LAMA4: variants seen among roughly 807,000 people sequenced by gnomAD.
LAMA4 encodes laminin subunit alpha 4.
Under a neutral mutation model 207.1 loss-of-function variants are expected in LAMA4, and 127 were observed. That is an observed-to-expected ratio of 0.61 (90% CI 0.53 to 0.71). LAMA4 has a LOEUF of 0.71. Ranked by LOEUF, LAMA4 falls within the 30% of genes least tolerant of loss-of-function variation. LAMA4 has a pLI of 0.00. For synonymous variants in LAMA4, 761 were observed against 816.0 expected (o/e 0.93, Z 1.15); for missense variants, 2,093 against 2,246.5 (o/e 0.93, Z 1.38).
chr6:112,146,037 C>T (rs1219938262), intron 18 of LAMA4, among the ~76,000 whole-genome samples: 1 of 152,114 alleles, frequency 6.6e-6, no homozygotes, highest in Admixed American at 6.5e-5. Context: ...CACCTGTAAT[C>T]CCAGAACTTT....
At chr6:112,130,130 A>G (rs1778942343) in intron 29 of LAMA4, 90 bp from the exon 30 acceptor site, 1 of 1,054,414 alleles carries the variant, frequency 9.5e-7, no homozygotes, top group African/African-American at 1.6e-5. Context: ...TTCTCATGAA[A>G]TTGAAATGGA....
At chr6:112,209,840 C>T (rs1554355780) in intron 3 of LAMA4, among the ~76,000 whole-genome samples, 1 of 152,200 alleles carries the variant, frequency 6.6e-6, no homozygotes, top group African/African-American at 2.4e-5. Context: ...TCTGGGTTCC[C>T]ATCCAAATCT....
At chr6:112,193,344 AAAGG>A (rs1419225748) in intron 5 of LAMA4, among the ~76,000 whole-genome samples, 2 of 151,984 alleles carry the variant, frequency 1.3e-5, no homozygotes, top group African/African-American at 4.8e-5. Context: ...TTGGGAGTGG[AAAGG>A]AAGGGAGAGC....
chr6:112,208,414 C>G lies in LAMA4; in HGVS notation c.298-1269G>C, dbSNP rs183605680. Among the ~76,000 whole-genome samples the G allele has an allele frequency of 5.9e-5, 9 of 152,284 alleles. No homozygotes were observed. In the East Asian group the frequency reaches 1.7e-3, roughly 29 times the overall value. ...TTTGTATGGATTAACTGACTTAATTCTCACAACAATCCTGAAGTAGGTTCC... is the reference window on the plus strand; with the variant it reads ...TTTGTATGGATTAACTGACTTAATTGTCACAACAATCCTGAAGTAGGTTCC... On this transcript the variant is annotated intron_variant, in intron 3 of 38. Coordinates refer to ENST00000230538, the MANE Select transcript of LAMA4 (RefSeq NM_001105206.3).
In LAMA4 at chr6:112,216,659, T is replaced by C. The variant is rs1473085301; in HGVS notation, c.196-190A>G. On this transcript the variant is annotated intron_variant, in intron 2 of 38. Transcript: ENST00000230538. ...ACCATTCAGTGATAGATGATGTATA[T>C]ATAATCTTCTTTGTTACATAACTTT... 13 of 596,520 alleles carry C rather than the reference T, an allele frequency of 2.2e-5. No homozygotes were observed. In the East Asian group the frequency reaches 3.5e-4, roughly 16 times the overall value. The allele number at this position is 596,520 out of a possible 1,614,324, so 37.0% of individuals were successfully genotyped here. A position where few individuals can be genotyped will look rare whatever the true frequency, so the allele number is the denominator to read the frequency against.
At chr6:112,161,379 G>A (rs1035108892) in intron 13 of LAMA4, among the ~76,000 whole-genome samples, 3 of 152,246 alleles carry the variant, frequency 2.0e-5, no homozygotes, top group Non-Finnish European at 2.9e-5. Flanking sequence ...TAGTACAAAG[G>A]GTTTACTTTT....
At chr6:112,217,412 A>G (rs1374384528) in intron 2 of LAMA4, among the ~76,000 whole-genome samples, 1 of 152,208 alleles carries the variant, frequency 6.6e-6, no homozygotes, top group East Asian at 1.9e-4. Flanking sequence ...CCAGACAGAT[A>G]AGAATCTGCT....
chr6:112,222,677 G>C (rs753015183), intron 2 of LAMA4, among the ~76,000 whole-genome samples: 2 of 152,162 alleles, frequency 1.3e-5, no homozygotes, highest in Non-Finnish European at 2.9e-5. Context: ...TTCATGGGTG[G>C]AAACCAGTGC....
At chr6:112,231,334 G>T (rs6906525) in intron 2 of LAMA4, among the ~76,000 whole-genome samples, 6,730 of 152,206 alleles carry the variant, frequency 0.044, 514 homozygotes, top group African/African-American at 0.15. Flanking sequence ...TGCTCCATGA[G>T]TGTGTGTGGC....
chr6:112,134,498 C>A lies in LAMA4; in HGVS notation c.3526G>T (p.Gly1176Ter). ...TGTAAGATTTCTGGAGGAGCTCCTC[C>A]AATGTATATATCTGTAAAAGGTATT... ...MKIPFTDIYI[G>*]GAPPEILQSR... The change falls in exon 26 of 39, where the codon GGA (glycine) becomes TGA (stop). Residue 1176 changes from glycine (G) to a stop codon, truncating the protein, a stop_gained. Transcript: ENST00000230538. LOFTEE classifies it high-confidence loss of function. 6.2e-7 allele frequency: 1 copy of A among 1,613,414 alleles called. No homozygotes were observed. Among genetic ancestry groups the A allele is most frequent in the Non-Finnish European group, 8.5e-7 (1 of 1,179,524 alleles).
chr6:112,243,308 G>A (rs1281519959), intron 2 of LAMA4, among the ~76,000 whole-genome samples: 3 of 152,142 alleles, frequency 2.0e-5, no homozygotes, highest in Non-Finnish European at 4.4e-5. Context: ...CCAGGGCCCT[G>A]TGTTTCTTTC....
At chr6:112,215,780 A>G (rs561085399) in intron 3 of LAMA4, among the ~76,000 whole-genome samples, 11 of 152,336 alleles carry the variant, frequency 7.2e-5, no homozygotes, top group Middle Eastern at 3.4e-3. Context: ...TCATGCTTCA[A>G]TGAAGAACAG....
At chr6:112,187,646 T>G in intron 7 of LAMA4, 45 bp from the exon 8 acceptor site, 2 of 1,592,358 alleles carry the variant, frequency 1.3e-6, no homozygotes. Flanking sequence ...AAAAGCATGC[T>G]AAAGGCAGGC....
rs1562664247 is a variant in LAMA4, at chr6:112,149,965, G to C, written c.2173+546C>G. ...TATCTAAGATACCACTGCAGTCCCA[G>C]ATTAAGCAAAACGTGTGCTTTTGTT... On this transcript the variant is annotated intron_variant, in intron 17 of 38. Coordinates refer to ENST00000230538, the MANE Select transcript of LAMA4 (RefSeq NM_001105206.3). Among the ~76,000 whole-genome samples the C allele has an allele frequency of 2.6e-5, 4 of 152,256 alleles. No homozygotes were observed. The East Asian group carries it at 7.7e-4, about 29-fold the overall frequency.
At chr6:112,122,574 T>C (rs1778425353) in intron 31 of LAMA4, among the ~76,000 whole-genome samples, 1 of 152,178 alleles carries the variant, frequency 6.6e-6, no homozygotes, top group Non-Finnish European at 1.5e-5. Flanking sequence ...AAAATCCTCA[T>C]ATAAGAAACA....
At chr6:112,254,432 A>G (rs1425716248) in intron 1 of LAMA4, 27 bp downstream of exon 1, 5 of 498,558 alleles carry the variant, frequency 1.0e-5, no homozygotes, top group Non-Finnish European at 7.3e-6. Context: ...GTTCTGGCTC[A>G]AGAACCTACA....
intron 16 of LAMA4, among the ~76,000 whole-genome samples, chr6:112,153,734 T>C (rs1780534424): frequency 6.6e-6 from 1 of 152,168 alleles, no homozygotes; most frequent in East Asian, 1.9e-4. Flanking sequence ...AATATTCTAA[T>C]TCTTCACTAC....
intron 23 of LAMA4, 99 bp from the exon 24 acceptor site, chr6:112,139,390 C>G: frequency 7.8e-7 from 1 of 1,282,860 alleles, no homozygotes; most frequent in Non-Finnish European, 1.1e-6. Flanking sequence ...TTCTGTGGAC[C>G]TTACAACATT....
upstream of LAMA4, chr6:112,254,845 G>A (rs1257668437): frequency 2.6e-5 from 4 of 152,520 alleles, no homozygotes; most frequent in African/African-American, 9.7e-5. Flanking sequence ...AGGGATTCCA[G>A]GGCAGGAACC....
Sources: allele counts gnomAD v4.1 joint callset (sites outside exome capture counted in the v4.1 genomes callset), GRCh38; gene constraint gnomAD v4.1.1; transcripts MANE v1.5; gene names NCBI Gene and HGNC (gene_info 2026-07-23, HGNC 2026-07-21).